Variants in CFAP410 observed in about 807,000 individuals in gnomAD.
CFAP410 encodes the protein cilia- and flagella-associated protein 410.
A neutral mutation model predicts 25.7 loss-of-function variants in CFAP410; 27 were observed. That is an observed-to-expected ratio of 1.05 (90% CI 0.77 to 1.45). The LOEUF (loss-of-function observed/expected upper bound fraction) is 1.45. CFAP410 is among the 40% of genes most tolerant of loss of function. The probability of loss-of-function intolerance (pLI) is 0.00; values close to 1 mark genes in which losing one functional copy is unlikely to be tolerated. For missense variants in CFAP410, 428 were observed against 354.1 expected, an observed-to-expected ratio of 1.21 and a Z score of -1.67; for synonymous variants, 178 against 158.4, an observed-to-expected ratio of 1.12 and a Z score of -0.93.
At chr21:44,330,439 G>C in intron 6 of CFAP410, 113 bp from the exon 7 acceptor site, 2 of 1,543,972 alleles carry the variant, frequency 1.3e-6, no homozygotes, top group Admixed American at 3.8e-5. Flanking sequence ...GGTCCCGGGG[G>C]TGTGGGCCGT....
At chr21:44,330,388 G>GGGCT in intron 6 of CFAP410, 62 bp from the exon 7 acceptor site, 1 of 1,580,076 alleles carries the variant, frequency 6.3e-7, no homozygotes, top group Non-Finnish European at 8.6e-7. Context: ...CCCTCCACAA[G>GGGCT]GGCTGGGGCC....
At position 44,330,827 on chromosome 21, in the gene CFAP410, C is replaced by T. The variant is rs1199560986; in HGVS notation, c.638G>A (p.Gly213Asp). ...SARDASSSHRGRNVLTAILLL... is the reference protein window; with the variant it reads ...SARDASSSHRDRNVLTAILLL... ...CCCTAGCGGCCCGCCACTCACCCTG[C>T]CCCTGTGGCTGCTCGAGGCATCCCT... The change falls in exon 6 of 7, where the codon GGC becomes GAC. Residue 213 changes from glycine to aspartate, a missense_variant. Transcript: ENST00000339818. 1 of 1,600,478 alleles carries T rather than the reference C, an allele frequency of 6.2e-7. No homozygotes were observed. The highest frequency in any genetic ancestry group is 1.1e-5 in the South Asian group (1 of 89,190).
intron 5 of CFAP410, chr21:44,331,612 C>T: frequency 1.9e-6 from 1 of 540,182 alleles, no homozygotes; most frequent in South Asian, 2.4e-5. Context: ...ACCCCCTCTC[C>T]TGCTCCCTGG....
In CFAP410 at chr21:44,330,193, T is replaced by A; in HGVS notation, c.*5A>T. 6.4e-7 allele frequency: 1 copy of A among 1,559,314 alleles called. No individual in the cohort carries two copies. The highest frequency in any genetic ancestry group is 8.6e-7 in the Non-Finnish European group (1 of 1,157,426). ...GGAGGCTGGAGCGGCGTTCAGGTCC[T>A]GCGGTCACTCGGCGTGCTCCTGCAC... On this transcript the variant is annotated 3_prime_UTR_variant, in exon 7 of 7. Coordinates refer to ENST00000339818, the MANE Select transcript of CFAP410 (RefSeq NM_004928.3).
intron 4 of CFAP410, 188 bp downstream of exon 4, chr21:44,332,845 A>T (rs1214832083): frequency 3.3e-6 from 2 of 604,262 alleles, no homozygotes; most frequent in African/African-American, 1.9e-5. Flanking sequence ...GCGCTGCTGC[A>T]TTCGGGTGGC....
rs767796576 is a variant in CFAP410, at chr21:44,332,991, G to T, written c.373+42C>A. On this transcript the variant is annotated intron_variant, in intron 4 of 6. Transcript: ENST00000339818. ...AGGGCTGGGGACATCCCCTTCCAGG[G>T]ATTGTTTTGGGAGGGCCGGTGACTC... 3.0e-6 allele frequency: 4 copies of T among 1,332,974 alleles called. No homozygotes were observed. In the African/African-American group the frequency reaches 4.4e-5, roughly 15 times the overall value. The allele number at this position is 1,332,974 out of a possible 1,614,324, so 82.6% of individuals were successfully genotyped here. A position where few individuals can be genotyped will look rare whatever the true frequency, so the allele number is the denominator to read the frequency against.
At position 44,333,068 on chromosome 21, in the gene CFAP410, C is replaced by G; in HGVS notation, c.338G>C (p.Arg113Pro). The change falls in exon 4 of 7, where the codon CGC (arginine) becomes CCC (proline). Residue 113 changes from arginine to proline, a missense_variant. By Grantham distance (103) the Arg-to-Pro change is moderately radical. Coordinates refer to ENST00000339818, the MANE Select transcript of CFAP410 (RefSeq NM_004928.3). ...SPHRYRMTVL[R>P]TLPRLQKLDN... ...CAGCTTCTGTAGGCGCGGCAGGGTG[C>G]GCAGCACGGTCATGCGGTAGCGGTG... 1 of 1,604,868 alleles carries G rather than the reference C, an allele frequency of 6.2e-7. No homozygotes were observed. The highest frequency in any genetic ancestry group is 8.5e-7 in the Non-Finnish European group (1 of 1,175,064).
At chr21:44,330,556 G>T (rs749095874) in intron 6 of CFAP410, 13 of 1,549,152 alleles carry the variant, frequency 8.4e-6, no homozygotes, top group Non-Finnish European at 1.1e-5. Flanking sequence ...CAGCCCAGCA[G>T]GGCCCGGGCC....
intron 2 of CFAP410, among the ~76,000 whole-genome samples, chr21:44,336,368 A>G (rs972258841): frequency 1.3e-5 from 2 of 152,170 alleles, no homozygotes; most frequent in African/African-American, 4.8e-5. Context: ...AGGTAAGGGG[A>G]CCCCAATGTC....
rs988390886 is a variant in CFAP410, at chr21:44,331,061, G to A, written c.546-142C>T. 4 of 757,996 alleles carry A rather than the reference G, an allele frequency of 5.3e-6. No homozygotes were observed. In the Admixed American group the frequency reaches 1.2e-4, roughly 22 times the overall value. The allele number at this position is 757,996 out of a possible 1,614,324, so 47.0% of individuals were successfully genotyped here. On this transcript the variant is annotated intron_variant, in intron 5 of 6. Transcript: ENST00000339818. ...TGGCACACGGGGGCAAGAGAAGGGA[G>A]GCAACTCCTGGGAGGTCAGGGGCTA...
chr21:44,334,190 G>GCAGGCAC, intron 3 of CFAP410: 1 of 456,342 alleles, frequency 2.2e-6, no homozygotes, highest in Non-Finnish European at 4.4e-6. Flanking sequence ...AGTCAGGCGT[G>GCAGGCAC]CAGGCACCAC....
At chr21:44,337,918 C>A (rs1447659465) in intron 1 of CFAP410, among the ~76,000 whole-genome samples, 1 of 152,182 alleles carries the variant, frequency 6.6e-6, no homozygotes, top group Non-Finnish European at 1.5e-5. Context: ...AGGGTTGCTC[C>A]ATTTGTAAGA....
In CFAP410 at chr21:44,339,312, C is replaced by G. The variant is rs1017180077; in HGVS notation, c.-118G>C. On this transcript the variant is annotated 5_prime_UTR_variant, in exon 1 of 7. Transcript: ENST00000339818. The stretch of plus-strand genomic sequence containing the variant: ...CGCGTCGTCAGGGGCGGATCCTGAG[C>G]CGATTGGCGGCTCGGTGAGGAGAGC... 4 of 578,910 alleles carry G rather than the reference C, an allele frequency of 6.9e-6. No homozygotes were observed. The highest frequency in any genetic ancestry group is 1.1e-5 in the Non-Finnish European group (4 of 370,298). The allele number at this position is 578,910 out of a possible 1,614,324, so 35.9% of individuals were successfully genotyped here.
At position 44,330,043 on chromosome 21, in the gene CFAP410, C is replaced by T. The variant is rs995126306; in HGVS notation, c.*155G>A. ...CTCCACCGCCCCGGTTAGCCAGTAC[C>T]TAACACCCACTCCTGCCCTCGGCCG... On this transcript the variant is annotated 3_prime_UTR_variant, in exon 7 of 7. Transcript: ENST00000339818. The T allele has an allele frequency of 6.5e-5, 53 of 819,148 alleles. No individual in the cohort carries two copies. Among genetic ancestry groups the T allele is most frequent in the Non-Finnish European group, 9.5e-5 (50 of 525,134 alleles). 50.7% of individuals were successfully genotyped at this position (819,148 alleles called of 1,614,324 possible).
At chr21:44,330,707 G>C in intron 6 of CFAP410, 116 bp downstream of exon 6, 1 of 1,549,222 alleles carries the variant, frequency 6.5e-7, no homozygotes, top group South Asian at 1.2e-5. Flanking sequence ...GCCCTGTGAG[G>C]CTCCATGCTC....
chr21:44,337,610 T>C (rs774181788), intron 2 of CFAP410, 39 bp downstream of exon 2: 10 of 1,591,746 alleles, frequency 6.3e-6, no homozygotes, highest in African/African-American at 1.3e-5. Context: ...TATTTGGAGA[T>C]GATCAGTGCA....
chr21:44,337,816 T>A, intron 1 of CFAP410, 149 bp from the exon 2 acceptor site: 1 of 656,230 alleles, frequency 1.5e-6, no homozygotes, highest in Non-Finnish European at 2.7e-6. Flanking sequence ...GTTGCCCAGA[T>A]AACTGGCAAA....
Position 44,339,237 on chromosome 21 carries a change from G to T in CFAP410, c.-43C>A. On this transcript the variant is annotated 5_prime_UTR_variant, in exon 1 of 7. Coordinates refer to ENST00000339818, the MANE Select transcript of CFAP410 (RefSeq NM_004928.3). ...GACCGGCGGGCGCCCCCGGCCTCCT[G>T]ATCCCGGGCGGGTGACGACTGCGCG... 7.7e-7 allele frequency: 1 copy of T among 1,301,554 alleles called. No individual in the cohort carries two copies. Among genetic ancestry groups the T allele is most frequent in the Non-Finnish European group, 1.0e-6 (1 of 987,508 alleles). The allele number at this position is 1,301,554 out of a possible 1,614,324, so 80.6% of individuals were successfully genotyped here.
At position 44,333,013 on chromosome 21, in the gene CFAP410, ACT is replaced by A. The variant is rs2047679764; in HGVS notation, c.373+18_373+19del. The A allele has an allele frequency of 6.6e-7, 1 of 1,518,346 alleles. No homozygotes were observed. Among genetic ancestry groups the A allele is most frequent in the Non-Finnish European group, 9.0e-7 (1 of 1,110,946 alleles). The allele number at this position is 1,518,346 out of a possible 1,614,324, so 94.1% of individuals were successfully genotyped here. On this transcript the variant is annotated intron_variant, in intron 4 of 6. Transcript: ENST00000339818. ...AGGGATTGTTTTGGGAGGGCCGGTG[ACT>A]CCGCTGCGGCCACCTACCCTGGTTG...
Sources: gnomAD v4.1 joint callset for allele counts (sites outside exome capture counted in the v4.1 genomes callset) on GRCh38, gnomAD v4.1.1 for gene constraint, MANE v1.5 for transcripts, NCBI Gene and HGNC (gene_info 2026-07-23, HGNC 2026-07-21) for gene names.